Variants in L3MBTL4 observed in about 807,000 individuals in gnomAD.
L3MBTL4 encodes L3MBTL histone methyl-lysine binding protein 4.
Under a neutral mutation model 84.5 loss-of-function variants are expected in L3MBTL4, and 70 were observed. The ratio of observed to expected loss-of-function variants is 0.83; its 90% confidence interval spans 0.68 to 1.01. The LOEUF is 1.01. Among genes scored for constraint, L3MBTL4 ranks in the 50% least tolerant of loss-of-function variants. L3MBTL4 has a pLI of 0.00. For synonymous variants in L3MBTL4, 274 were observed against 259.8 expected, an observed-to-expected ratio of 1.05 and a Z score of -0.52; for missense variants, 715 against 754.8, an observed-to-expected ratio of 0.95 and a Z score of 0.62.
chr18:6,240,864 T>C (rs1175164637), intron 8 of L3MBTL4, among the ~76,000 whole-genome samples: 1 of 152,220 alleles, frequency 6.6e-6, no homozygotes, highest in Non-Finnish European at 1.5e-5. Context: ...TCTCCTCCAC[T>C]GAAGGTTCAC....
rs558335604 is a variant in L3MBTL4 at position 6,306,030 on chromosome 18, C to T, written c.73-4073G>A. On this transcript the variant is annotated intron_variant, in intron 3 of 18. Transcript: ENST00000317931. The stretch of plus-strand genomic sequence containing the variant: ...AAGGATTTCTGAGAACCCTGCTGTT[C>T]TTGTTCCATAAGAACCTGCTATCTG... 4.6e-5 allele frequency among the ~76,000 whole-genome samples: 7 copies of T among 152,278 alleles called. No homozygotes were observed. In the South Asian group the frequency reaches 1.5e-3, roughly 32 times the overall value.
chr18:6,022,100 A>G (rs1260168969), intron 16 of L3MBTL4, among the ~76,000 whole-genome samples: 1 of 152,232 alleles, frequency 6.6e-6, no homozygotes, highest in Non-Finnish European at 1.5e-5. Flanking sequence ...TCTAAAATTC[A>G]GCCTTTCTCA....
Position 6,243,323 on chromosome 18 carries a change from T to A in L3MBTL4, c.431A>T (p.Lys144Met). Reference sequence around the variant, plus strand: ...AGGGATGTGCAGTTCATGTTTGGTCTTTTCACACCATCCTACTGGATGAAT... The same window carrying A: ...AGGGATGTGCAGTTCATGTTTGGTCATTTCACACCATCCTACTGGATGAAT... ...PDIHPVGWCE[K>M]TKHELHIPKG... Residue 144 changes from lysine to methionine, a missense_variant, in exon 7 of 19, where the codon AAG (lysine) becomes ATG (methionine). By Grantham distance (95) the Lys-to-Met change is moderately conservative. Coordinates refer to ENST00000317931, the MANE Select transcript of L3MBTL4 (RefSeq NM_001330559.2). The A allele has an allele frequency of 1.9e-6, 3 of 1,600,792 alleles. No homozygotes were observed. Among genetic ancestry groups the A allele is most frequent in the Non-Finnish European group, 2.6e-6 (3 of 1,174,430 alleles).
At chr18:6,036,498 AT>A (rs1051798603) in intron 16 of L3MBTL4, among the ~76,000 whole-genome samples, 1 of 151,824 alleles carries the variant, frequency 6.6e-6, no homozygotes, top group Non-Finnish European at 1.5e-5. Context: ...TGATATTTCC[AT>A]TTTGTTAATA....
chr18:6,011,526 T>A (rs1172533659), intron 16 of L3MBTL4, among the ~76,000 whole-genome samples: 1 of 152,206 alleles, frequency 6.6e-6, no homozygotes, highest in Non-Finnish European at 1.5e-5. Context: ...TCTGAATTTT[T>A]ATTTACCCAT....
chr18:6,093,685 C>T (rs2058535420), intron 14 of L3MBTL4, among the ~76,000 whole-genome samples, 157 bp from the exon 15 acceptor site: 1 of 152,136 alleles, frequency 6.6e-6, no homozygotes, highest in African/African-American at 2.4e-5. Flanking sequence ...TTTCATATTG[C>T]CTTTTGAGAA....
Position 6,030,438 on chromosome 18 carries a change from G to A in L3MBTL4, c.1444+50443C>T, listed in dbSNP as rs373685927. ...TATACATCTTCTGACTTTATCATCA[G>A]GTATTAATTTGCATTGCTTTACTAA... On this transcript the variant is annotated intron_variant, in intron 16 of 18. Transcript: ENST00000317931. 11 of 984,004 alleles carry A rather than the reference G, an allele frequency of 1.1e-5. No homozygotes were observed. The East Asian group carries it at 4.5e-4, about 41-fold the overall frequency. The allele number at this position is 984,004 out of a possible 1,614,324, so 61.0% of individuals were successfully genotyped here.
chr18:6,138,710 C>A (rs2144646271), intron 13 of L3MBTL4, among the ~76,000 whole-genome samples: 1 of 152,210 alleles, frequency 6.6e-6, no homozygotes, highest in South Asian at 2.1e-4. Flanking sequence ...CACCACCACG[C>A]CCAGCTAATT....
intron 4 of L3MBTL4, among the ~76,000 whole-genome samples, chr18:6,282,076 C>T (rs1406570008): frequency 6.6e-6 from 1 of 152,130 alleles, no homozygotes; most frequent in Non-Finnish European, 1.5e-5. Flanking sequence ...ACCAGCTGAG[C>T]ACAGCAAACA....
intron 16 of L3MBTL4, among the ~76,000 whole-genome samples, chr18:6,050,893 C>T (rs573199656): frequency 1.3e-5 from 2 of 152,192 alleles, no homozygotes; most frequent in Non-Finnish European, 2.9e-5. Flanking sequence ...TTGAAGAATT[C>T]TGGACATGTG....
At chr18:6,184,463 C>G (rs1314092217) in intron 12 of L3MBTL4, among the ~76,000 whole-genome samples, 1 of 152,160 alleles carries the variant, frequency 6.6e-6, no homozygotes, top group African/African-American at 2.4e-5. Context: ...ACAAATACGT[C>G]TAAAGGATTT....
intron 16 of L3MBTL4, among the ~76,000 whole-genome samples, chr18:6,023,374 G>A (rs3210466): frequency 1.3e-5 from 2 of 152,076 alleles, no homozygotes; most frequent in Non-Finnish European, 1.5e-5. Flanking sequence ...TCCTTAAAAC[G>A]CAAATGGAAA....
intron 1 of L3MBTL4, among the ~76,000 whole-genome samples, chr18:6,330,796 T>C (rs937570588): frequency 6.6e-6 from 1 of 152,230 alleles, no homozygotes; most frequent in Non-Finnish European, 1.5e-5. Context: ...CTTCTTTCTT[T>C]CTATGTAGCA....
chr18:6,136,681 G>A (rs2060037823), intron 14 of L3MBTL4, among the ~76,000 whole-genome samples: 1 of 152,020 alleles, frequency 6.6e-6, no homozygotes, highest in African/African-American at 2.4e-5. Context: ...CCTTTAGAGG[G>A]TATTTAACCC....
chr18:6,344,833 AC>A (rs2052796741), intron 1 of L3MBTL4, among the ~76,000 whole-genome samples: 1 of 151,852 alleles, frequency 6.6e-6, no homozygotes, highest in South Asian at 2.1e-4. Flanking sequence ...TTAAAAAAAA[AC>A]TCTCAACAAA....
chr18:6,184,278 C>T (rs576535613), intron 12 of L3MBTL4, among the ~76,000 whole-genome samples: 28 of 152,234 alleles, frequency 1.8e-4, no homozygotes, highest in African/African-American at 5.1e-4. Context: ...ACATCCGTCA[C>T]GGTAATTCGA....
intron 1 of L3MBTL4, among the ~76,000 whole-genome samples, chr18:6,401,562 C>T (rs2055511666): frequency 6.6e-6 from 1 of 152,170 alleles, no homozygotes; most frequent in South Asian, 2.1e-4. Flanking sequence ...AGGTAAAGTT[C>T]AAACGAGGAA....
chr18:6,280,460 C>T (rs2049275588), intron 4 of L3MBTL4, among the ~76,000 whole-genome samples: 1 of 152,156 alleles, frequency 6.6e-6, no homozygotes, highest in South Asian at 2.1e-4. Flanking sequence ...AAGCCCTAAA[C>T]TGTGTGCTAA....
chr18:6,074,214 GGTA>G (rs1354892962), intron 16 of L3MBTL4, among the ~76,000 whole-genome samples: 2 of 152,160 alleles, frequency 1.3e-5, no homozygotes, highest in African/African-American at 4.8e-5. Context: ...CTTGAATGGA[GGTA>G]GGGTCAGCAT....
Sources: gnomAD v4.1 joint callset for allele counts (sites outside exome capture counted in the v4.1 genomes callset) on GRCh38, gnomAD v4.1.1 for gene constraint, MANE v1.5 for transcripts, NCBI Gene and HGNC (gene_info 2026-07-23, HGNC 2026-07-21) for gene names.